Variants in DPP10 observed in about 807,000 individuals in gnomAD.
DPP10 encodes the protein dipeptidyl peptidase like 10, also known as inactive dipeptidyl peptidase 10.
In DPP10, 33 loss-of-function variants were observed where a neutral mutation model predicts 120.9. The ratio of observed to expected loss-of-function variants is 0.27; its 90% CI spans 0.21 to 0.37. DPP10 has a LOEUF of 0.37. Ranked by LOEUF, DPP10 falls within the 10% of genes least tolerant of loss-of-function variation. The pLI is 1.00. For synonymous variants in DPP10, 337 were observed against 326.1 expected (o/e 1.03, Z -0.36); for missense variants, 816 against 942.8 (o/e 0.87, Z 1.76).
At chr2:115,338,226 A>G (rs1270074478) in intron 2 of DPP10, among the ~76,000 whole-genome samples, 1 of 152,130 alleles carries the variant, frequency 6.6e-6, no homozygotes, top group Non-Finnish European at 1.5e-5. Flanking sequence ...TATTAATCTA[A>G]TAGTATAAAA....
chr2:114,749,735 G>T (rs6710380), intron 1 of DPP10, among the ~76,000 whole-genome samples: 2 of 151,640 alleles, frequency 1.3e-5, no homozygotes, highest in African/African-American at 2.4e-5. Context: ...GCCACCACAC[G>T]CAGTCCAAGC....
chr2:114,493,521 G>T (rs941727386), intron 1 of DPP10, among the ~76,000 whole-genome samples: 1 of 152,014 alleles, frequency 6.6e-6, no homozygotes, highest in African/African-American at 2.4e-5. Flanking sequence ...GTACTTGCTC[G>T]AATCTCTCAA....
chr2:114,876,316 T>C (rs970455410), intron 1 of DPP10, among the ~76,000 whole-genome samples: 2 of 152,024 alleles, frequency 1.3e-5, no homozygotes, highest in African/African-American at 4.8e-5. Context: ...GGGAATAAAG[T>C]TCTTTGTTCT....
chr2:114,685,851 T>A (rs747775914), intron 1 of DPP10, among the ~76,000 whole-genome samples: 2 of 152,006 alleles, frequency 1.3e-5, no homozygotes, highest in Non-Finnish European at 2.9e-5. Context: ...CCGGTCTTCT[T>A]GCTTACACTG....
chr2:115,699,657 C>G (rs2091796801), intron 7 of DPP10, among the ~76,000 whole-genome samples: 1 of 152,102 alleles, frequency 6.6e-6, no homozygotes, highest in African/African-American at 2.4e-5. Flanking sequence ...TCCAAAAAGT[C>G]AAAGAGGAGA....
At chr2:115,248,928 A>G (rs951180759) in intron 1 of DPP10, among the ~76,000 whole-genome samples, 3 of 152,162 alleles carry the variant, frequency 2.0e-5, no homozygotes, top group African/African-American at 7.2e-5. Context: ...GTGGCTAAGG[A>G]AAATTTTGCT....
At chr2:115,164,631 G>A (rs1251636769) in intron 1 of DPP10, among the ~76,000 whole-genome samples, 1 of 152,168 alleles carries the variant, frequency 6.6e-6, no homozygotes, top group Non-Finnish European at 1.5e-5. Context: ...CCTCAAAGAT[G>A]CCTTGTCCTG....
At chr2:115,022,789 G>C (rs1231949629) in intron 1 of DPP10, among the ~76,000 whole-genome samples, 3 of 152,098 alleles carry the variant, frequency 2.0e-5, no homozygotes, top group African/African-American at 7.2e-5. Context: ...CATGGTACTT[G>C]TATGAAAAAG....
At chr2:115,182,129 A>G (rs1313401354) in intron 1 of DPP10, among the ~76,000 whole-genome samples, 2 of 152,216 alleles carry the variant, frequency 1.3e-5, no homozygotes, top group African/African-American at 2.4e-5. Context: ...GAATAAATCT[A>G]ATGTACCGCT....
intron 5 of DPP10, among the ~76,000 whole-genome samples, chr2:115,587,086 TTTC>T (rs2082333242): frequency 9.4e-6 from 1 of 106,294 alleles, no homozygotes; most frequent in Non-Finnish European, 1.8e-5. Flanking sequence ...TTTTTTTCTC[TTTC>T]TTTTTTTTTT....
intron 1 of DPP10, among the ~76,000 whole-genome samples, chr2:115,056,708 A>G (rs1206983769): frequency 1.3e-5 from 2 of 152,190 alleles, no homozygotes; most frequent in Non-Finnish European, 2.9e-5. Context: ...CCAATGCTAC[A>G]CATCCTCTCT....
rs1559221577 is a variant in DPP10, at chr2:115,836,136, ATATATATT to A, written c.1951-19_1951-12del. The A allele has an allele frequency of 1.1e-5, 13 of 1,203,486 alleles. No individual in the cohort carries two copies. The African/African-American group carries it at 1.6e-4, about 15-fold the overall frequency. The allele number at this position is 1,203,486 out of a possible 1,614,324, so 74.6% of individuals were successfully genotyped here. On this transcript the variant is annotated splice_polypyrimidine_tract_variant and intron_variant, in intron 21 of 25. Coordinates refer to ENST00000410059, the MANE Select transcript of DPP10 (RefSeq NM_020868.6). ...GTGTGTGAGATATATATATATATATATATATATTTTTCCCCCCCAGGGTTATGGTGGCT... is the reference window on the plus strand; with the variant it reads ...GTGTGTGAGATATATATATATATATATTTCCCCCCCAGGGTTATGGTGGCT...
intron 1 of DPP10, among the ~76,000 whole-genome samples, chr2:114,663,515 T>A (rs908076873): frequency 6.0e-5 from 9 of 150,478 alleles, no homozygotes; most frequent in African/African-American, 2.2e-4. Flanking sequence ...CGCTGTAATT[T>A]TGGTTGTTTT....
intron 1 of DPP10, among the ~76,000 whole-genome samples, chr2:114,483,016 A>T (rs79644337): frequency 0.036 from 5,509 of 152,238 alleles, 151 homozygotes; most frequent in Middle Eastern, 0.085. Flanking sequence ...TATTGTGCCT[A>T]TGGGTCAGTT....
Position 115,586,551 on chromosome 2 carries a change from A to G in DPP10, c.441+60579A>G, listed in dbSNP as rs183644614. On this transcript the variant is annotated intron_variant, in intron 5 of 25. Coordinates refer to ENST00000410059, the MANE Select transcript of DPP10 (RefSeq NM_020868.6). Reference sequence around the variant, plus strand: ...ACACTCTCTATGATGTTTCTTCTGTATTTCATTCCCAACAGTAATGGAAGA... The same window carrying G: ...ACACTCTCTATGATGTTTCTTCTGTGTTTCATTCCCAACAGTAATGGAAGA... Among the ~76,000 whole-genome samples the G allele has an allele frequency of 3.1e-3, 472 of 152,278 alleles. 2 individuals carry two copies. The highest frequency in any genetic ancestry group is 0.011 in the African/African-American group (446 of 41,542).
intron 4 of DPP10, among the ~76,000 whole-genome samples, chr2:115,503,771 G>T (rs1010878413): frequency 6.6e-6 from 1 of 152,074 alleles, no homozygotes; most frequent in Non-Finnish European, 1.5e-5. Flanking sequence ...TCTCCACTGG[G>T]GGTGATTTTG....
intron 1 of DPP10, among the ~76,000 whole-genome samples, chr2:115,126,664 C>CT (rs1449798715): frequency 6.6e-6 from 1 of 152,104 alleles, no homozygotes; most frequent in Non-Finnish European, 1.5e-5. Flanking sequence ...TTTGTTCTTG[C>CT]TGTTCCGATG....
At chr2:115,327,515 A>G (rs2062439229) in intron 2 of DPP10, among the ~76,000 whole-genome samples, 1 of 152,034 alleles carries the variant, frequency 6.6e-6, no homozygotes, top group South Asian at 2.1e-4. Flanking sequence ...AAATACAGCC[A>G]ATTGTGGATT....
intron 1 of DPP10, among the ~76,000 whole-genome samples, chr2:114,712,631 A>G (rs1701100133): frequency 1.3e-5 from 2 of 152,174 alleles, no homozygotes; most frequent in African/African-American, 4.8e-5. Flanking sequence ...AAAATTGTAA[A>G]ATGTATCCAT....
Sources: allele counts gnomAD v4.1 joint callset (sites outside exome capture counted in the v4.1 genomes callset), GRCh38; gene constraint gnomAD v4.1.1; transcripts MANE v1.5; gene names NCBI Gene and HGNC (gene_info 2026-07-23, HGNC 2026-07-21).